DNAH7: variants seen among roughly 807,000 people sequenced by gnomAD.
DNAH7 encodes dynein axonemal heavy chain 7.
A neutral mutation model predicts 444.6 loss-of-function variants in DNAH7; 397 were observed. The ratio of observed to expected loss-of-function variants is 0.89; its 90% CI spans 0.82 to 0.97. The LOEUF is 0.97. DNAH7 is among the 50% of genes least tolerant of loss of function. DNAH7 has a pLI of 0.00. For synonymous variants in DNAH7, 1,636 were observed against 1,624.4 expected, an observed-to-expected ratio of 1.01 and a Z score of -0.17; for missense variants, 4,902 against 4,800.8, an observed-to-expected ratio of 1.02 and a Z score of -0.62.
rs370998022 is a variant in DNAH7, at chr2:195,856,903, T to C, written c.8414+474A>G. Among the ~76,000 whole-genome samples, 29 of 152,288 alleles carry C rather than the reference T, an allele frequency of 1.9e-4. No homozygotes were observed. In the East Asian group the frequency reaches 5.4e-3, roughly 28 times the overall value. ...GAAGAAGCAGATTTTGGTGTCTGGC[T>C]ATCTCACATTAAACCACACATTAAA... is the stretch of plus-strand genomic sequence containing the variant. On this transcript the variant is annotated intron_variant, in intron 44 of 64. Coordinates refer to ENST00000312428, the MANE Select transcript of DNAH7 (RefSeq NM_018897.3).
At chr2:195,783,612 TTAAC>T (rs536708077) in intron 58 of DNAH7, among the ~76,000 whole-genome samples, 70 of 152,296 alleles carry the variant, frequency 4.6e-4, no homozygotes, top group African/African-American at 1.7e-3. Flanking sequence ...ACATTTTAAC[TTAAC>T]TAGTTACACT....
chr2:195,995,475 G>T, intron 12 of DNAH7: 2 of 353,694 alleles, frequency 5.7e-6, no homozygotes, highest in East Asian at 1.6e-4. Flanking sequence ...TTTGCCCTCA[G>T]GGGTTTTGAA....
rs754802572 is a variant in DNAH7 at position 195,960,659 on chromosome 2, A to G, written c.2492T>C (p.Val831Ala). Residue 831 changes from valine to alanine, a missense_variant, in exon 18 of 65, where the codon GTG (valine) becomes GCG (alanine). Physicochemically the swap from Val to Ala is moderately conservative, Grantham distance 64. Coordinates refer to ENST00000312428, the MANE Select transcript of DNAH7 (RefSeq NM_018897.3). ...AGGAATGTGCTGCTTGAAATCTTCCACCTTTGATCTTACTTTTTTTGTCAT... is the reference window on the plus strand; with the variant it reads ...AGGAATGTGCTGCTTGAAATCTTCCGCCTTTGATCTTACTTTTTTTGTCAT... Reference protein sequence around the residue: ...LAMTKKVRSKVEDFKQHIPLI... With the variant: ...LAMTKKVRSKAEDFKQHIPLI... The G allele has an allele frequency of 6.2e-7, 1 of 1,614,120 alleles. No individual in the cohort carries two copies. The highest frequency in any genetic ancestry group is 1.1e-5 in the South Asian group (1 of 91,086).
chr2:195,966,415 G>A lies in DNAH7; in HGVS notation c.2205+3533C>T, dbSNP rs553081414. On this transcript the variant is annotated intron_variant, in intron 17 of 64. Transcript: ENST00000312428. The stretch of plus-strand genomic sequence containing the variant: ...ACCCATATGCTGAGGAGAAGAATTC[G>A]CGTTCTGCAGCTGTTGGATGAAATG... Among the ~76,000 whole-genome samples, 9 of 152,168 alleles carry A rather than the reference G, an allele frequency of 5.9e-5. No homozygotes were observed. The South Asian group carries it at 1.5e-3, about 25-fold the overall frequency.
rs771345980 is a variant in DNAH7 at position 195,960,342 on chromosome 2, GAATTTCAT to G, written c.2801_2808del (p.Asp934AlafsTer6). The G allele has an allele frequency of 1.9e-6, 3 of 1,613,820 alleles. No homozygotes were observed. In the African/African-American group the frequency reaches 4.0e-5, roughly 22 times the overall value. ...ATAATATGGTCATCCAACAACATCTGAATTTCATCAACTGATGCCAAAATAAATGTCCC... is the reference window on the plus strand; with the variant it reads ...ATAATATGGTCATCCAACAACATCTGCAACTGATGCCAAAATAAATGTCCC... On this transcript the variant is annotated frameshift_variant, in exon 18 of 65. Coordinates refer to ENST00000312428, the MANE Select transcript of DNAH7 (RefSeq NM_018897.3). LOFTEE classifies it high-confidence loss of function.
At position 195,989,662 on chromosome 2, in the gene DNAH7, G is replaced by T. The variant is rs186641362; in HGVS notation, c.1354-1433C>A. Among the ~76,000 whole-genome samples the T allele has an allele frequency of 8.4e-3, 1,276 of 152,272 alleles. 11 individuals are homozygous for T. Among genetic ancestry groups the T allele is most frequent in the Non-Finnish European group, 0.014 (954 of 68,022 alleles). ...TGTAATCCCCAGTGTTGCAGGTAGGGCCTGGTGGGAGGTGTCTGGGTCATG... is the reference window on the plus strand; with the variant it reads ...TGTAATCCCCAGTGTTGCAGGTAGGTCCTGGTGGGAGGTGTCTGGGTCATG... On this transcript the variant is annotated intron_variant, in intron 12 of 64. Transcript: ENST00000312428.
chr2:196,011,468 GGAA>G lies in DNAH7; in HGVS notation c.989+1316_989+1318del, dbSNP rs531315995. On this transcript the variant is annotated intron_variant, in intron 10 of 64. Transcript: ENST00000312428. ...TAAGTAAAGCCAGAAAAAGATAAAT[GGAA>G]GAAGAACTAGAGAAACACAGCAGCA... Among the ~76,000 whole-genome samples, 207 of 152,106 alleles carry G rather than the reference GGAA, an allele frequency of 1.4e-3. 2 individuals carry two copies. Among genetic ancestry groups the G allele is most frequent in the African/African-American group, 4.8e-3 (199 of 41,498 alleles).
chr2:195,998,654 T>C (rs1574983666), intron 12 of DNAH7: 2 of 153,078 alleles, frequency 1.3e-5, no homozygotes, highest in African/African-American at 4.8e-5. Context: ...TCTTGTTTCA[T>C]AAGTTACGTC....
At chr2:196,031,374 G>A (rs1281074183) in intron 5 of DNAH7, among the ~76,000 whole-genome samples, 2 of 152,246 alleles carry the variant, frequency 1.3e-5, no homozygotes, top group African/African-American at 4.8e-5. Flanking sequence ...GGGAGGGGCT[G>A]CCGTGAAGAC....
intron 19 of DNAH7, among the ~76,000 whole-genome samples, chr2:195,942,272 G>C (rs1689501428): frequency 6.6e-6 from 1 of 152,010 alleles, no homozygotes; most frequent in Admixed American, 6.6e-5. Flanking sequence ...CAGATATTTA[G>C]AGGTAGCACA....
At chr2:195,764,603 GA>G (rs1249204871) in intron 61 of DNAH7, among the ~76,000 whole-genome samples, 2 of 151,948 alleles carry the variant, frequency 1.3e-5, no homozygotes, top group Admixed American at 6.6e-5. Flanking sequence ...TGAACAATCT[GA>G]AAAGGAAATC....
intron 63 of DNAH7, among the ~76,000 whole-genome samples, chr2:195,748,137 T>TTG (rs1693543075): frequency 6.6e-6 from 1 of 152,192 alleles, no homozygotes; most frequent in Non-Finnish European, 1.5e-5. Context: ...TTCAGCAATG[T>TTG]CTCAGGATAC....
chr2:196,001,686 C>A lies in DNAH7; in HGVS notation c.1162G>T (p.Ala388Ser). 6.4e-7 allele frequency: 1 copy of A among 1,566,774 alleles called. No individual in the cohort carries two copies. The highest frequency in any genetic ancestry group is 8.6e-7 in the Non-Finnish European group (1 of 1,156,718). The change falls in exon 11 of 65, where the codon GCA (alanine) becomes TCA (serine). Residue 388 changes from alanine to serine, a missense_variant. Transcript: ENST00000312428. ...TGAACCATACTTACTGGGGGTTGTGCAATTAAGTCCGTGAAATCTTGCATG... is the reference window on the plus strand; with the variant it reads ...TGAACCATACTTACTGGGGGTTGTGAAATTAAGTCCGTGAAATCTTGCATG... ...VSMQDFTDLI[A>S]QPPDSVRAFE...
In DNAH7 at chr2:195,960,657, C is replaced by T. The variant is rs1172086537; in HGVS notation, c.2494G>A (p.Glu832Lys). The T allele has an allele frequency of 1.9e-6, 3 of 1,614,082 alleles. No homozygotes were observed. The highest frequency in any genetic ancestry group is 8.5e-7 in the Non-Finnish European group (1 of 1,180,036). Residue 832 changes from glutamate to lysine, a missense_variant, in exon 18 of 65, where the codon GAA (glutamate) becomes AAA (lysine). Physicochemically the swap from Glu to Lys is moderately conservative, Grantham distance 56 (BLOSUM62 1). Transcript: ENST00000312428. ...AMTKKVRSKV[E>K]DFKQHIPLIQ... ...AGAGGAATGTGCTGCTTGAAATCTT[C>T]CACCTTTGATCTTACTTTTTTTGTC...
chr2:196,065,179 T>C (rs940648821), intron 1 of DNAH7, among the ~76,000 whole-genome samples: 4 of 152,214 alleles, frequency 2.6e-5, no homozygotes, highest in South Asian at 2.1e-4. Context: ...GGATCTACAC[T>C]GCATGAAATT....
intron 1 of DNAH7, among the ~76,000 whole-genome samples, chr2:196,064,358 T>A (rs12987835): frequency 2.8e-5 from 4 of 144,998 alleles, no homozygotes; most frequent in East Asian, 2.0e-4. Flanking sequence ...TAATAAATAA[T>A]AAATAAATAA....
chr2:196,000,919 G>C, intron 11 of DNAH7, 36 bp from the exon 12 acceptor site: 1 of 1,500,328 alleles, frequency 6.7e-7, no homozygotes, highest in Non-Finnish European at 8.9e-7. Context: ...ACATAAATAT[G>C]TATGAATTGT....
intron 45 of DNAH7, 70 bp downstream of exon 45, chr2:195,855,741 G>A: frequency 6.5e-7 from 1 of 1,540,114 alleles, no homozygotes; most frequent in Non-Finnish European, 8.9e-7. Flanking sequence ...TGTGTTATGT[G>A]CTAGTACGAA....
At position 195,858,787 on chromosome 2, in the gene DNAH7, T is replaced by C. The variant is rs567914243; in HGVS notation, c.7754A>G (p.Lys2585Arg). ...EKKRSEVMKM[K>R]KRYEVGLEKL... ...CTCCAAACCCACTTCATATCTCTTT[T>C]TCATTTTCATTACTTCACTGGAAGG... The change falls in exon 43 of 65, where the codon AAA becomes AGA. Residue 2585 changes from lysine (K) to arginine (R), a missense_variant. By Grantham distance (26) the Lys-to-Arg change is conservative. Coordinates refer to ENST00000312428, the MANE Select transcript of DNAH7 (RefSeq NM_018897.3). 201 of 1,607,038 alleles carry C rather than the reference T, an allele frequency of 1.3e-4. 3 individuals carry two copies. In the South Asian group the frequency reaches 2.1e-3, roughly 16 times the overall value.
Sources: gnomAD v4.1 joint callset for allele counts (sites outside exome capture counted in the v4.1 genomes callset) on GRCh38, gnomAD v4.1.1 for gene constraint, MANE v1.5 for transcripts, NCBI Gene and HGNC (gene_info 2026-07-23, HGNC 2026-07-21) for gene names.